SASH1: variants seen among roughly 807,000 people sequenced by gnomAD.
SASH1 encodes the protein SAM and SH3 domain-containing protein 1.
Under a neutral mutation model 125.2 loss-of-function variants are expected in SASH1, and 44 were observed. The ratio of observed to expected loss-of-function variants is 0.35; its 90% CI spans 0.28 to 0.45. The LOEUF is 0.45. Among genes scored for constraint, SASH1 ranks in the 20% least tolerant of loss-of-function variants. The probability of loss-of-function intolerance (pLI) is 1.00; values close to 1 mark genes in which losing one functional copy is unlikely to be tolerated. For synonymous variants in SASH1, 639 were observed against 649.1 expected (o/e 0.98, Z 0.24); for missense variants, 1,426 against 1,614.5 (o/e 0.88, Z 2.00).
chr6:148,367,890 G>A (rs960522397), intron 1 of SASH1, among the ~76,000 whole-genome samples: 5 of 152,218 alleles, frequency 3.3e-5, no homozygotes, highest in African/African-American at 1.2e-4. Flanking sequence ...TTTTCCCATG[G>A]GGCCTGTGGG....
rs1427984113 is a variant in SASH1 at position 148,377,191 on chromosome 6, A to C, written c.157-12943A>C. Among the ~76,000 whole-genome samples the C allele has an allele frequency of 8.3e-5, 12 of 145,444 alleles. No homozygotes were observed. In the Admixed American group the frequency reaches 8.6e-4, roughly 10 times the overall value. ...TCTCAAAAAAAAAAAAAACAAAAAA[A>C]AAACAAAAAAAAAACAAAACAAACA... On this transcript the variant is annotated intron_variant, in intron 1 of 19. Coordinates refer to ENST00000367467, the MANE Select transcript of SASH1 (RefSeq NM_015278.5).
At chr6:148,304,809 C>T (rs961095161) in intron 1 of SASH1, among the ~76,000 whole-genome samples, 3 of 152,110 alleles carry the variant, frequency 2.0e-5, no homozygotes, top group Non-Finnish European at 4.4e-5. Flanking sequence ...AGGCGGATCA[C>T]TTGAGGTCAG....
At chr6:148,469,813 A>G (rs6905302) in intron 5 of SASH1, among the ~76,000 whole-genome samples, 8,812 of 152,064 alleles carry the variant, frequency 0.058, 319 homozygotes, top group African/African-American at 0.099. Flanking sequence ...GGATGACGAG[A>G]TCAGGAGTTC....
chr6:148,337,792 G>C (rs1321300272), intron 1 of SASH1, among the ~76,000 whole-genome samples: 4 of 152,186 alleles, frequency 2.6e-5, no homozygotes, highest in Admixed American at 2.0e-4. Flanking sequence ...AAATAACAGA[G>C]ATTGCTAAAT....
At chr6:148,522,213 A>T (rs1026735433) in intron 10 of SASH1, among the ~76,000 whole-genome samples, 1 of 152,246 alleles carries the variant, frequency 6.6e-6, no homozygotes, top group African/African-American at 2.4e-5. Context: ...ACTTGCAAAA[A>T]TATGTGTTCA....
the SASH1 span, among the ~76,000 whole-genome samples, chr6:148,262,158 T>A: frequency 6.6e-6 from 1 of 152,132 alleles, no homozygotes; most frequent in East Asian, 1.9e-4. Flanking sequence ...CTTATTCATG[T>A]CTTTTCACCT....
the SASH1 span, among the ~76,000 whole-genome samples, chr6:148,224,110 A>G: frequency 3.3e-5 from 5 of 152,286 alleles, no homozygotes; most frequent in Admixed American, 6.5e-5. Flanking sequence ...CCTGAGCAAC[A>G]TGGTGATAGC....
At chr6:148,255,235 C>A in the SASH1 span, among the ~76,000 whole-genome samples, 1 of 152,156 alleles carries the variant, frequency 6.6e-6, no homozygotes, top group Non-Finnish European at 1.5e-5. Flanking sequence ...AGTCCAAGAC[C>A]AAGGTGTTGG....
At chr6:148,266,643 T>C in the SASH1 span, among the ~76,000 whole-genome samples, 89,069 of 151,992 alleles carry the variant, frequency 0.59, 26,777 homozygotes, top group African/African-American at 0.69. Context: ...TTCTATTGCC[T>C]AGGCTAGAGT....
At chr6:148,286,094 C>G (rs1010019874) in intron 1 of SASH1, among the ~76,000 whole-genome samples, 2 of 152,016 alleles carry the variant, frequency 1.3e-5, no homozygotes, top group Admixed American at 6.6e-5. Flanking sequence ...CACATAAAAT[C>G]TTTACAAACA....
At chr6:148,234,964 G>A in the SASH1 span, among the ~76,000 whole-genome samples, 2 of 152,176 alleles carry the variant, frequency 1.3e-5, no homozygotes, top group Admixed American at 6.5e-5. Flanking sequence ...GGGTCTGTGG[G>A]CTGTCTTCGG....
At chr6:148,396,478 GAAAAA>G (rs61277112) in intron 2 of SASH1, among the ~76,000 whole-genome samples, 3 of 63,788 alleles carry the variant, frequency 4.7e-5, no homozygotes, top group African/African-American at 1.3e-4. Flanking sequence ...CTGCATCTCA[GAAAAA>G]AAAAAAAAAA....
At chr6:148,432,233 C>T (rs931778305) in intron 2 of SASH1, among the ~76,000 whole-genome samples, 1 of 152,156 alleles carries the variant, frequency 6.6e-6, no homozygotes, top group Admixed American at 6.5e-5. Flanking sequence ...CCTCGGCCTC[C>T]CAAAGTGCTG....
Position 148,387,026 on chromosome 6 carries a change from T to TCTTTCTTTCTTGCTTTCTCC in SASH1, c.157-3106_157-3105insTTCTTTCTTGCTTTCTCCCT, listed in dbSNP as rs1783396076. 3.7e-5 allele frequency among the ~76,000 whole-genome samples: 5 copies of TCTTTCTTTCTTGCTTTCTCC among 134,768 alleles called. No homozygotes were observed. In the Admixed American group the frequency reaches 4.2e-4, roughly 11 times the overall value. The allele number at this position is 134,768 out of a possible 152,430, so 88.4% of individuals were successfully genotyped here. ...TACCTGGGTGCTTGCTTGCTTTCTC[T>TCTTTCTTTCTTGCTTTCTCC]CTCTCTTTCTTTCTTGCTTTCTCCC... On this transcript the variant is annotated intron_variant, in intron 1 of 19. Transcript: ENST00000367467.
At chr6:148,445,255 C>A (rs374959161) in intron 4 of SASH1, among the ~76,000 whole-genome samples, 17 of 152,288 alleles carry the variant, frequency 1.1e-4, no homozygotes, top group African/African-American at 3.9e-4. Context: ...GAATGCCTAG[C>A]CTTCTGGGAA....
chr6:148,504,113 A>G (rs1257512436), intron 8 of SASH1, among the ~76,000 whole-genome samples: 1 of 152,200 alleles, frequency 6.6e-6, no homozygotes, highest in African/African-American at 2.4e-5. Flanking sequence ...TCTAAGGTAG[A>G]TGAGGAGCAA....
chr6:148,404,582 C>T (rs1389427855), intron 2 of SASH1, among the ~76,000 whole-genome samples: 3 of 133,714 alleles, frequency 2.2e-5, no homozygotes, highest in Non-Finnish European at 4.8e-5. Flanking sequence ...GCCCCAACCC[C>T]CACCACCTGC....
intron 2 of SASH1, among the ~76,000 whole-genome samples, chr6:148,421,209 GAAAGAAAAAGAAAGAAA>G (rs1785084931): frequency 2.2e-5 from 3 of 137,100 alleles, no homozygotes; most frequent in Non-Finnish European, 5.1e-5. Context: ...AAGAAAGAAA[GAAAGAAAAAGAAAGAAA>G]GAAGGAAGTG....
Position 148,544,223 on chromosome 6 carries a change from C to G in SASH1, c.2753C>G (p.Ser918Cys). The G allele has an allele frequency of 6.2e-7, 1 of 1,614,204 alleles. No homozygotes were observed. The highest frequency in any genetic ancestry group is 8.5e-7 in the Non-Finnish European group (1 of 1,180,052). Residue 918 changes from serine to cysteine, a missense_variant, in exon 18 of 20, where the codon TCT becomes TGT. Around this residue, in one of 3 missense-constraint regions of SASH1, gnomAD observed 634 missense variants for 694.4 expected, o/e 0.91. Transcript: ENST00000367467. This position sits in a 1 kb window ranked among gnomAD's most constrained non-coding sequence, Gnocchi z 6.4. ...TKKLEGSIAASGRGLSPPQCL... is the reference protein window; with the variant it reads ...TKKLEGSIAACGRGLSPPQCL... ...AAACTGGAGGGCTCAATCGCAGCCT[C>G]TGGTCGCGGCCTGTCACCCCCTCAG...
Sources: allele counts gnomAD v4.1 joint callset (sites outside exome capture counted in the v4.1 genomes callset), GRCh38; gene constraint gnomAD v4.1.1; regional missense constraint gnomAD v4.1.1; non-coding constraint Gnocchi (gnomAD v3.1); transcripts MANE v1.5; gene names NCBI Gene and HGNC (gene_info 2026-07-23, HGNC 2026-07-21).